Variants in TCF7L2 observed in about 807,000 individuals in gnomAD.
The protein encoded by TCF7L2 is transcription factor 7 like 2.
In TCF7L2, 23 loss-of-function variants were observed where a neutral mutation model predicts 77.9. The ratio of observed to expected loss-of-function variants is 0.30; its 90% CI spans 0.21 to 0.42. TCF7L2 has a LOEUF of 0.42. TCF7L2 is among the 10% of genes least tolerant of loss of function. The pLI is 1.00. For missense variants in TCF7L2, 654 were observed against 793.1 expected (o/e 0.82, Z 2.11); for synonymous variants, 413 against 340.2 (o/e 1.21, Z -2.36).
At chr10:112,984,794 T>A (rs1474355674) in intron 4 of TCF7L2, among the ~76,000 whole-genome samples, 1 of 152,212 alleles carries the variant, frequency 6.6e-6, no homozygotes, top group East Asian at 1.9e-4. Flanking sequence ...TGGGTCTTGG[T>A]TTGCTCATCT....
chr10:113,055,325 G>A (rs894101613), intron 5 of TCF7L2, among the ~76,000 whole-genome samples: 1 of 152,160 alleles, frequency 6.6e-6, no homozygotes, highest in Non-Finnish European at 1.5e-5. Flanking sequence ...TGCTGGGTAT[G>A]CAACGGCATC....
At position 112,957,885 on chromosome 10, in the gene TCF7L2, A is replaced by G. The variant is rs2034080119; in HGVS notation, c.381+6278A>G. Reference sequence around the variant, plus strand: ...TGTTCTGGTGTATTACAAACTGACTACGCGGTATAAGGAGGAAGTGAGATT... The same window carrying G: ...TGTTCTGGTGTATTACAAACTGACTGCGCGGTATAAGGAGGAAGTGAGATT... On this transcript the variant is annotated intron_variant, in intron 3 of 13. Transcript: ENST00000627217. Among the ~76,000 whole-genome samples the G allele has an allele frequency of 2.0e-5, 3 of 152,206 alleles. No homozygotes were observed. In the South Asian group the frequency reaches 6.2e-4, roughly 31 times the overall value.
intron 3 of TCF7L2, among the ~76,000 whole-genome samples, chr10:112,955,324 A>C (rs2033250866): frequency 6.6e-6 from 1 of 152,234 alleles, no homozygotes; most frequent in African/African-American, 2.4e-5. Context: ...GAACATGTTT[A>C]GATTTCAATC....
chr10:112,960,604 C>T (rs754344008), intron 3 of TCF7L2, among the ~76,000 whole-genome samples: 6 of 151,762 alleles, frequency 4.0e-5, no homozygotes, highest in African/African-American at 9.7e-5. Flanking sequence ...CCATGTTTGC[C>T]GGATGAGGAA....
At chr10:112,989,712 G>A (rs187163759) in intron 4 of TCF7L2, among the ~76,000 whole-genome samples, 7 of 152,144 alleles carry the variant, frequency 4.6e-5, no homozygotes, top group Non-Finnish European at 8.8e-5. Context: ...CTACCTTCTC[G>A]GACACTGTTT....
intron 11 of TCF7L2, 24 bp from the exon 12 acceptor site, chr10:113,157,997 C>T (rs2137360760): frequency 6.4e-7 from 1 of 1,572,578 alleles, no homozygotes; most frequent in Non-Finnish European, 8.6e-7. Context: ...GCAGTAATTC[C>T]CTGTGTTTCA....
At chr10:113,111,068 A>G (rs2063071074) in intron 5 of TCF7L2, among the ~76,000 whole-genome samples, 1 of 151,966 alleles carries the variant, frequency 6.6e-6, no homozygotes, top group Non-Finnish European at 1.5e-5. Flanking sequence ...GTGGTGATTA[A>G]AAACTTGTGC....
intron 11 of TCF7L2, among the ~76,000 whole-genome samples, chr10:113,154,659 C>CT (rs1454557276): frequency 6.6e-6 from 1 of 152,100 alleles, no homozygotes; most frequent in African/African-American, 2.4e-5. Flanking sequence ...TTGCTCGAGG[C>CT]TTTTTGTGAC....
chr10:113,031,209 A>C (rs914571575), intron 4 of TCF7L2, among the ~76,000 whole-genome samples: 2 of 152,198 alleles, frequency 1.3e-5, no homozygotes, highest in Non-Finnish European at 2.9e-5. Context: ...ATTGGCTTTG[A>C]CCACCTAAAA....
intron 5 of TCF7L2, among the ~76,000 whole-genome samples, chr10:113,097,347 C>T (rs1224929737): frequency 6.6e-6 from 1 of 152,098 alleles, no homozygotes; most frequent in African/African-American, 2.4e-5. Context: ...TTCCTCTTGC[C>T]AGTTGTAGAA....
chr10:112,956,687 G>A (rs1457614404), intron 3 of TCF7L2, among the ~76,000 whole-genome samples: 2 of 152,120 alleles, frequency 1.3e-5, no homozygotes, highest in Non-Finnish European at 2.9e-5. Context: ...CTCGCACCTC[G>A]ACAGGTCTGC....
At chr10:113,090,562 A>G (rs1431143459) in intron 5 of TCF7L2, among the ~76,000 whole-genome samples, 2 of 152,218 alleles carry the variant, frequency 1.3e-5, no homozygotes, top group Admixed American at 1.3e-4. Context: ...AGAAACTGTA[A>G]AAATACATAA....
rs10885405 is a variant in TCF7L2, at chr10:113,017,911, C to T, written c.451-22114C>T. ...GAGATCCAGAGCGGGCAGATGTAAACCTGGGGTCTTTAAAATGCATCCTTT... is the reference window on the plus strand; with the variant it reads ...GAGATCCAGAGCGGGCAGATGTAAATCTGGGGTCTTTAAAATGCATCCTTT... On this transcript the variant is annotated intron_variant, in intron 4 of 13. Transcript: ENST00000627217. 0.52 allele frequency among the ~76,000 whole-genome samples: 79,226 copies of T among 151,946 alleles called. 22,967 individuals are homozygous for T. Among genetic ancestry groups the T allele is most frequent in the African/African-American group, 0.76 (31,637 of 41,456 alleles).
chr10:112,955,313 C>T (rs951526239), intron 3 of TCF7L2, among the ~76,000 whole-genome samples: 4 of 152,210 alleles, frequency 2.6e-5, no homozygotes, highest in Non-Finnish European at 4.4e-5. Context: ...ATATTTATGG[C>T]GAACATGTTT....
At chr10:112,997,046 T>C (rs2043611742) in intron 4 of TCF7L2, among the ~76,000 whole-genome samples, 1 of 152,218 alleles carries the variant, frequency 6.6e-6, no homozygotes. Context: ...TGCCCAAGTG[T>C]CCTGTTCCCC....
At chr10:113,081,787 A>C (rs1336327152) in intron 5 of TCF7L2, among the ~76,000 whole-genome samples, 1 of 152,170 alleles carries the variant, frequency 6.6e-6, no homozygotes, top group East Asian at 1.9e-4. Context: ...GCCTTCAAAA[A>C]GACTTGATTT....
chr10:113,131,755 T>G (rs999957383), intron 5 of TCF7L2, among the ~76,000 whole-genome samples: 2 of 152,232 alleles, frequency 1.3e-5, no homozygotes, highest in Non-Finnish European at 2.9e-5. Context: ...GGTTTGGGGT[T>G]GTTGGGGACC....
At chr10:113,093,125 C>T (rs1453850918) in intron 5 of TCF7L2, among the ~76,000 whole-genome samples, 1 of 152,152 alleles carries the variant, frequency 6.6e-6, no homozygotes, top group Non-Finnish European at 1.5e-5. Context: ...TACAGAGATC[C>T]CTTGACATTT....
At chr10:113,012,088 C>T (rs191210175) in intron 4 of TCF7L2, among the ~76,000 whole-genome samples, 16 of 152,272 alleles carry the variant, frequency 1.1e-4, no homozygotes, top group Non-Finnish European at 1.9e-4. Flanking sequence ...GCTGCTACTG[C>T]GCCTTGGCAA....
Sources: gnomAD v4.1 joint callset for allele counts (sites outside exome capture counted in the v4.1 genomes callset) on GRCh38, gnomAD v4.1.1 for gene constraint, MANE v1.5 for transcripts, NCBI Gene and HGNC (gene_info 2026-07-23, HGNC 2026-07-21) for gene names.